The following MYO3B variants were observed in gnomAD, a reference collection of about 807,000 sequenced individuals.
MYO3B encodes the protein myosin IIIB, also known as myosin-IIIb.
Under a neutral mutation model 174.6 loss-of-function variants are expected in MYO3B, and 156 were observed. The observed-to-expected ratio is 0.89, with a 90% CI of 0.78 to 1.02. The LOEUF is 1.02. MYO3B is among the 50% of genes least tolerant of loss of function. The pLI is 0.00. For synonymous variants in MYO3B, 563 were observed against 569.1 expected (o/e 0.99, Z 0.15); for missense variants, 1,632 against 1,639.4 (o/e 1.00, Z 0.08).
At chr2:170,452,793 A>T (rs1683671008) in intron 23 of MYO3B, among the ~76,000 whole-genome samples, 1 of 152,244 alleles carries the variant, frequency 6.6e-6, no homozygotes, top group South Asian at 2.1e-4. Flanking sequence ...AAATTAAGAC[A>T]GGAAATCAGA....
intron 3 of MYO3B, among the ~76,000 whole-genome samples, chr2:170,205,749 C>T (rs1401017363): frequency 1.3e-5 from 2 of 152,078 alleles, no homozygotes; most frequent in Non-Finnish European, 2.9e-5. Context: ...TACTCCAGCT[C>T]CTAGTGTTGT....
intron 25 of MYO3B, among the ~76,000 whole-genome samples, chr2:170,489,757 G>A (rs569671024): frequency 2.6e-5 from 4 of 151,802 alleles, no homozygotes; most frequent in South Asian, 4.2e-4. Context: ...TCCTCGTCAC[G>A]GGACTTCAAT....
rs1022128879 is a variant in MYO3B, at chr2:170,627,497, C to T, written c.3734-24131C>T. 1.5e-4 allele frequency among the ~76,000 whole-genome samples: 23 copies of T among 152,300 alleles called. No homozygotes were observed. In the East Asian group the frequency reaches 4.1e-3, roughly 27 times the overall value. ...TTAACTTCTTTGCGATGGGTTCGAACTTCCTCCTTTAGCTCGGAGAAGTTT... is the reference window on the plus strand; with the variant it reads ...TTAACTTCTTTGCGATGGGTTCGAATTTCCTCCTTTAGCTCGGAGAAGTTT... On this transcript the variant is annotated intron_variant, in intron 32 of 34. Coordinates refer to ENST00000408978, the MANE Select transcript of MYO3B (RefSeq NM_138995.5).
intron 8 of MYO3B, among the ~76,000 whole-genome samples, chr2:170,361,898 A>C (rs1282028893): frequency 2.0e-5 from 3 of 152,054 alleles, no homozygotes; most frequent in South Asian, 4.2e-4. Flanking sequence ...TTTTGTTACC[A>C]CATCTCCTTC....
At chr2:170,181,655 T>C (rs1168890347) in intron 1 of MYO3B, among the ~76,000 whole-genome samples, 1 of 152,172 alleles carries the variant, frequency 6.6e-6, no homozygotes, top group African/African-American at 2.4e-5. Context: ...TTTGAATAAA[T>C]GTTGAATTTT....
At chr2:170,448,946 A>G (rs986703169) in intron 23 of MYO3B, among the ~76,000 whole-genome samples, 1 of 152,230 alleles carries the variant, frequency 6.6e-6, no homozygotes, top group African/African-American at 2.4e-5. Flanking sequence ...ATTATTTGCC[A>G]TATAGGATCT....
chr2:170,446,675 C>T (rs2094844759), intron 23 of MYO3B, among the ~76,000 whole-genome samples: 1 of 152,118 alleles, frequency 6.6e-6, no homozygotes, highest in South Asian at 2.1e-4. Flanking sequence ...GGTAAAATTA[C>T]AGAAGTGGCC....
At position 170,519,435 on chromosome 2, in the gene MYO3B, C is replaced by G; in HGVS notation, c.3473-3C>G. On this transcript the variant is annotated splice_region_variant and splice_polypyrimidine_tract_variant and intron_variant, in intron 29 of 34. Coordinates refer to ENST00000408978, the MANE Select transcript of MYO3B (RefSeq NM_138995.5). ...TGCTTAGCCCTCCTTTCTTTTCTCT[C>G]AGTTCTCAGGGGCTCTGTACATCGT... 6.2e-7 allele frequency: 1 copy of G among 1,613,018 alleles called. No homozygotes were observed. Among genetic ancestry groups the G allele is most frequent in the Non-Finnish European group, 8.5e-7 (1 of 1,179,348 alleles).
chr2:170,602,381 A>G (rs1412037879), intron 32 of MYO3B, among the ~76,000 whole-genome samples: 2 of 152,188 alleles, frequency 1.3e-5, no homozygotes, highest in African/African-American at 2.4e-5. Context: ...ACTCTGTAAC[A>G]TTAACCTTCC....
intron 23 of MYO3B, among the ~76,000 whole-genome samples, chr2:170,451,893 A>G (rs533834786): frequency 6.6e-6 from 1 of 152,190 alleles, no homozygotes. Flanking sequence ...CACATCCTGG[A>G]TCCCCAAAAA....
chr2:170,593,651 A>C (rs13425835), intron 32 of MYO3B, among the ~76,000 whole-genome samples: 36,111 of 152,212 alleles, frequency 0.24, 6,421 homozygotes, highest in African/African-American at 0.5. Flanking sequence ...AGATGTTGTT[A>C]TTATTCACAA....
chr2:170,392,256 G>T (rs1353464932), intron 15 of MYO3B, 125 bp from the exon 16 acceptor site: 3 of 564,522 alleles, frequency 5.3e-6, no homozygotes, highest in Middle Eastern at 2.7e-4. Flanking sequence ...TCACACCACT[G>T]CACTTCAGGC....
chr2:170,315,178 C>T (rs1340424744), intron 7 of MYO3B, among the ~76,000 whole-genome samples: 1 of 152,214 alleles, frequency 6.6e-6, no homozygotes, highest in South Asian at 2.1e-4. Context: ...GAATTAGAAG[C>T]AGCATTTAAC....
intron 7 of MYO3B, among the ~76,000 whole-genome samples, chr2:170,250,478 G>T (rs767764578): frequency 4.6e-5 from 7 of 152,178 alleles, no homozygotes; most frequent in Non-Finnish European, 8.8e-5. Flanking sequence ...TTTTCTGTCC[G>T]GTTGCTGCTG....
chr2:170,635,887 C>G (rs969192374), intron 32 of MYO3B, among the ~76,000 whole-genome samples: 7 of 152,134 alleles, frequency 4.6e-5, no homozygotes, highest in African/African-American at 1.7e-4. Flanking sequence ...ATATGCAACA[C>G]CCCTGACTGA....
chr2:170,456,770 CAATTTTATT>C (rs1350286361), intron 23 of MYO3B, among the ~76,000 whole-genome samples: 1 of 152,134 alleles, frequency 6.6e-6, no homozygotes, highest in Non-Finnish European at 1.5e-5. Context: ...TTTGACTAAC[CAATTTTATT>C]AATGAGGAAA....
intron 29 of MYO3B, among the ~76,000 whole-genome samples, chr2:170,516,962 T>C (rs905946410): frequency 3.3e-5 from 5 of 152,358 alleles, no homozygotes; most frequent in East Asian, 1.9e-4. Flanking sequence ...CTCTTTTTTT[T>C]CCTTCATATC....
chr2:170,530,554 C>T (rs780524550), intron 30 of MYO3B, among the ~76,000 whole-genome samples: 3 of 152,206 alleles, frequency 2.0e-5, no homozygotes, highest in South Asian at 2.1e-4. Flanking sequence ...TGGCCGCTCT[C>T]GGGTGCAGGG....
At chr2:170,211,049 C>T (rs1271852097) in intron 3 of MYO3B, among the ~76,000 whole-genome samples, 1 of 152,160 alleles carries the variant, frequency 6.6e-6, no homozygotes, top group African/African-American at 2.4e-5. Context: ...ACAGGCATGA[C>T]TGGGAGGCAA....
Sources: allele counts gnomAD v4.1 joint callset (sites outside exome capture counted in the v4.1 genomes callset), GRCh38; gene constraint gnomAD v4.1.1; transcripts MANE v1.5; gene names NCBI Gene and HGNC (gene_info 2026-07-23, HGNC 2026-07-21).